The following MPHOSPH9 variants were observed in gnomAD, a reference collection of about 807,000 sequenced individuals.
MPHOSPH9 encodes M-phase phosphoprotein 9.
MPHOSPH9 carries 88 observed loss-of-function variants against 145.5 expected under a neutral mutation model. The ratio of observed to expected loss-of-function variants is 0.60; its 90% CI spans 0.51 to 0.72. The LOEUF is 0.72. Ranked by LOEUF, MPHOSPH9 falls within the 30% of genes least tolerant of loss-of-function variation. The pLI, the probability that MPHOSPH9 is intolerant of heterozygous loss-of-function variation, is 0.00. For missense variants in MPHOSPH9, 1,238 were observed against 1,386.6 expected, an observed-to-expected ratio of 0.89 and a Z score of 1.70; for synonymous variants, 435 against 486.2, an observed-to-expected ratio of 0.89 and a Z score of 1.39.
At chr12:123,212,260 A>C (rs977614314) in intron 7 of MPHOSPH9, among the ~76,000 whole-genome samples, 2 of 152,150 alleles carry the variant, frequency 1.3e-5, no homozygotes, top group African/African-American at 4.8e-5. Flanking sequence ...AGAGGGCATC[A>C]GCCATTTTAG....
chr12:123,238,294 C>G (rs1453509558), intron 1 of MPHOSPH9, among the ~76,000 whole-genome samples: 1 of 152,112 alleles, frequency 6.6e-6, no homozygotes, highest in Non-Finnish European at 1.5e-5. Context: ...GCCGTTTTGT[C>G]TTTTCAAAGC....
intron 8 of MPHOSPH9, among the ~76,000 whole-genome samples, chr12:123,205,868 T>C (rs1193168186): frequency 6.6e-6 from 1 of 152,194 alleles, no homozygotes; most frequent in Non-Finnish European, 1.5e-5. Context: ...TGTCATTCCC[T>C]GCTCATGAGC....
At chr12:123,231,608 G>C (rs2047639435) in intron 1 of MPHOSPH9, among the ~76,000 whole-genome samples, 1 of 151,830 alleles carries the variant, frequency 6.6e-6, no homozygotes, top group African/African-American at 2.4e-5. Flanking sequence ...GAGGTGGGAG[G>C]ATCACTTCAG....
chr12:123,210,215 C>T, intron 7 of MPHOSPH9, 53 bp from the exon 8 acceptor site: 1 of 1,035,980 alleles, frequency 9.7e-7, no homozygotes, highest in Admixed American at 2.6e-5. Context: ...AACAAAAATG[C>T]TTTCTAGAAT....
In MPHOSPH9 at chr12:123,210,120, G is replaced by C. The variant is rs752441782; in HGVS notation, c.1130C>G (p.Ser377Cys). ...CGTCTTCTCTAAAGTTTCAGGCAAAGAGTGGTGCATATCCTTTTCCTCTAG... is the reference window on the plus strand; with the variant it reads ...CGTCTTCTCTAAAGTTTCAGGCAAACAGTGGTGCATATCCTTTTCCTCTAG... ...WKLEEKDMHHSLPETLEKTFI... is the reference protein window; with the variant it reads ...WKLEEKDMHHCLPETLEKTFI... Residue 377 changes from serine to cysteine, a missense_variant, in exon 8 of 24, where the codon TCT becomes TGT. Ser to Cys is a moderately radical substitution (Grantham distance 112). Around this residue, in one of 3 missense-constraint regions of MPHOSPH9, gnomAD observed 837 missense variants for 897.5 expected, o/e 0.93. Coordinates refer to ENST00000606320, the MANE Select transcript of MPHOSPH9 (RefSeq NM_022782.4). 18 of 1,611,324 alleles carry C rather than the reference G, an allele frequency of 1.1e-5. No homozygotes were observed. Among genetic ancestry groups the C allele is most frequent in the South Asian group, 5.5e-5 (5 of 90,550 alleles).
chr12:123,197,626 A>T (rs1020316629), intron 12 of MPHOSPH9, among the ~76,000 whole-genome samples: 1 of 151,842 alleles, frequency 6.6e-6, no homozygotes. Context: ...TAGTAAAAAC[A>T]CAAAAATTAG....
chr12:123,162,143 G>T lies in MPHOSPH9; in HGVS notation c.3105C>A (p.Leu1035=). The part of the protein sequence containing the change: ...TLQRTNPRKQ[L]QFLPLDDSEE... ...CCGAGTCATCTAGAGGAAGAAACTG[G>T]AGTTGCTTTCTTGGATTGGTACGTT... The change falls in exon 21 of 24, where the codon CTC becomes CTA. Residue 1035 remains leucine, a synonymous_variant. Coordinates refer to ENST00000606320, the MANE Select transcript of MPHOSPH9 (RefSeq NM_022782.4). 1 of 1,584,640 alleles carries T rather than the reference G, an allele frequency of 6.3e-7. No homozygotes were observed. Among genetic ancestry groups the T allele is most frequent in the Non-Finnish European group, 8.6e-7 (1 of 1,163,072 alleles).
intron 16 of MPHOSPH9, among the ~76,000 whole-genome samples, chr12:123,171,660 A>C (rs1486164050): frequency 6.7e-6 from 1 of 149,184 alleles, no homozygotes; most frequent in Admixed American, 6.7e-5. Context: ...GAGGCAGGAG[A>C]ATCGCTTGAA....
rs1048242080 is a variant in MPHOSPH9 at position 123,181,293 on chromosome 12, C to T, written c.2242-83G>A. 4.3e-6 allele frequency: 5 copies of T among 1,158,546 alleles called. No homozygotes were observed. The African/African-American group carries it at 7.7e-5, about 18-fold the overall frequency. 71.8% of individuals were successfully genotyped at this position (1,158,546 alleles called of 1,614,324 possible). A position where few individuals can be genotyped will look rare whatever the true frequency, so the allele number is the denominator to read the frequency against. On this transcript the variant is annotated intron_variant, in intron 13 of 23. Coordinates refer to ENST00000606320, the MANE Select transcript of MPHOSPH9 (RefSeq NM_022782.4). ...GAGGTACAGTCTACAAAATAACTGC[C>T]TATAGCCTTCAAAAATGCCAATGTC...
chr12:123,169,954 T>C (rs1022382183), intron 16 of MPHOSPH9, among the ~76,000 whole-genome samples: 6 of 151,694 alleles, frequency 4.0e-5, no homozygotes, highest in Non-Finnish European at 7.4e-5. Context: ...ACAGAAGGCA[T>C]AATGTATTAA....
chr12:123,190,729 G>A (rs1400028735), intron 13 of MPHOSPH9, among the ~76,000 whole-genome samples: 3 of 152,106 alleles, frequency 2.0e-5, no homozygotes, highest in Non-Finnish European at 2.9e-5. Flanking sequence ...TGTAGTAAAA[G>A]CAAAAAGAAC....
At chr12:123,152,562 G>A (rs1480504190), downstream of MPHOSPH9, 2 of 456,488 alleles carry the variant, frequency 4.4e-6, no homozygotes, top group Admixed American at 2.4e-5. Context: ...TCATAGAGAT[G>A]ACATGGTACA....
At position 123,162,173 on chromosome 12, in the gene MPHOSPH9, T is replaced by A. The variant is rs139661830; in HGVS notation, c.3075A>T (p.Thr1025=). 1.9e-6 allele frequency: 3 copies of A among 1,589,292 alleles called. No individual in the cohort carries two copies. In the African/African-American group the frequency reaches 4.0e-5, roughly 21 times the overall value. ...GCTTTCTTGGATTGGTACGTTGTAA[T>A]GTAGACACAGGAACAGTATCTAAAT... ...LDDLDTVPVS[T]LQRTNPRKQL... The change falls in exon 21 of 24, where the codon ACA becomes ACT. Residue 1025 remains threonine (T), a synonymous_variant. Coordinates refer to ENST00000606320, the MANE Select transcript of MPHOSPH9 (RefSeq NM_022782.4).
intron 16 of MPHOSPH9, 99 bp from the exon 17 acceptor site, chr12:123,166,888 T>C: frequency 2.5e-6 from 3 of 1,199,364 alleles, no homozygotes; most frequent in South Asian, 1.8e-5. Flanking sequence ...TATTTACACA[T>C]TTGTACACTA....
At chr12:123,232,276 C>T (rs929850519) in intron 1 of MPHOSPH9, among the ~76,000 whole-genome samples, 5 of 151,900 alleles carry the variant, frequency 3.3e-5, no homozygotes, top group African/African-American at 1.2e-4. Flanking sequence ...TGGAAAACCA[C>T]TAGAAATTCA....
intron 13 of MPHOSPH9, among the ~76,000 whole-genome samples, chr12:123,182,845 C>T: frequency 6.6e-6 from 1 of 151,716 alleles, no homozygotes. Flanking sequence ...ACCCAGGAGG[C>T]GTAGGTTGTA....
At chr12:123,153,331 G>A (rs1347142236), downstream of MPHOSPH9, 1 of 152,062 alleles carries the variant, frequency 6.6e-6, no homozygotes, top group Non-Finnish European at 1.5e-5. Flanking sequence ...CACACCAGAG[G>A]GATGCTTAAT....
chr12:123,178,123 C>T (rs1346259050), intron 15 of MPHOSPH9, among the ~76,000 whole-genome samples: 2 of 152,136 alleles, frequency 1.3e-5, no homozygotes, highest in East Asian at 3.8e-4. Context: ...CTTGCTGCAG[C>T]CTCAAACCCC....
In MPHOSPH9 at chr12:123,164,081, C is replaced by T. The variant is rs555127921; in HGVS notation, c.2777G>A (p.Arg926Gln). 1.1e-5 allele frequency: 17 copies of T among 1,613,526 alleles called. No homozygotes were observed. The highest frequency in any genetic ancestry group is 1.7e-5 in the Admixed American group (1 of 59,916). The change falls in exon 19 of 24, where the codon CGG (arginine) becomes CAG (glutamine). Residue 926 changes from arginine to glutamine, a missense_variant. Physicochemically the swap from Arg to Gln is conservative, Grantham distance 43. Around this residue, in one of 3 missense-constraint regions of MPHOSPH9, gnomAD observed 393 missense variants for 462.5 expected, o/e 0.85. Coordinates refer to ENST00000606320, the MANE Select transcript of MPHOSPH9 (RefSeq NM_022782.4). ...EKEDTSNINPRQTETSVNASR... is the reference protein window; with the variant it reads ...EKEDTSNINPQQTETSVNASR... Reference sequence around the variant, plus strand: ...TGCATTAACTGAAGTTTCAGTTTGCCGAGGATTTACTACAGCAGACCAAAA... The same window carrying T: ...TGCATTAACTGAAGTTTCAGTTTGCTGAGGATTTACTACAGCAGACCAAAA...
Sources: allele counts gnomAD v4.1 joint callset (sites outside exome capture counted in the v4.1 genomes callset), GRCh38; gene constraint gnomAD v4.1.1; regional missense constraint gnomAD v4.1.1; transcripts MANE v1.5; gene names NCBI Gene and HGNC (gene_info 2026-07-23, HGNC 2026-07-21).